PRH1: variants seen among roughly 807,000 people sequenced by gnomAD.
PRH1 encodes the protein proline rich protein HaeIII subfamily 1.
Under a neutral mutation model 7.9 loss-of-function variants are expected in PRH1, and 7 were observed. The ratio of observed to expected loss-of-function variants is 0.89; its 90% CI spans 0.50 to 1.67. PRH1 has a LOEUF of 1.67. Among genes scored for constraint, PRH1 ranks in the 40% most tolerant of loss-of-function variants. PRH1 has a pLI of 0.00. For synonymous variants in PRH1, 45 were observed against 80.8 expected (o/e 0.56, Z 2.38); for missense variants, 109 against 223.6 (o/e 0.49, Z 3.27).
chr12:11,023,785 T>C lies in PRH1; in HGVS notation c.-126+23235A>G, dbSNP rs147579631. ...CAGCCAAACTAGCGGCAAGATGCAG[T>C]ACGTGGCCCATCTCCAATCACCAGA... is the stretch of plus-strand genomic sequence containing the variant. On this transcript the variant is annotated intron_variant, in intron 1 of 3. Coordinates refer to the PRH1 transcript ENST00000539853. Among the ~76,000 whole-genome samples the C allele has an allele frequency of 4.0e-3, 616 of 152,370 alleles. 6 individuals carry two copies. The highest frequency in any genetic ancestry group is 0.013 in the African/African-American group (556 of 41,596).
intron 2 of PRH1, among the ~76,000 whole-genome samples, chr12:10,903,954 A>AAAAAC (rs754090166): frequency 6.9e-6 from 1 of 145,736 alleles, no homozygotes; most frequent in South Asian, 2.1e-4. Context: ...AAAAAAAAAA[A>AAAAAC]CAACTAGGAC....
In PRH1 at chr12:10,906,406, A is replaced by G. The variant is rs180721327; in HGVS notation, c.-58-22131T>C. ...GTTTTTAATGTCCTCTCTTTGAAAG[A>G]CACTGTAAAGAAAATGAAATGACAA... is the stretch of plus-strand genomic sequence containing the variant. On this transcript the variant is annotated intron_variant, in intron 2 of 3. Transcript: ENST00000539853. 4.0e-3 allele frequency among the ~76,000 whole-genome samples: 609 copies of G among 152,356 alleles called. 2 individuals are homozygous for G. The highest frequency in any genetic ancestry group is 0.014 in the African/African-American group (580 of 41,580).
chr12:10,900,327 T>C (rs746379488), intron 2 of PRH1, among the ~76,000 whole-genome samples: 5 of 152,182 alleles, frequency 3.3e-5, no homozygotes, highest in Non-Finnish European at 5.9e-5. Flanking sequence ...GGAAAGACAC[T>C]GGGAAAAGGT....
intron 1 of PRH1, among the ~76,000 whole-genome samples, chr12:11,087,517 T>A (rs1291953477): frequency 8.6e-6 from 1 of 116,758 alleles, no homozygotes; most frequent in Non-Finnish European, 2.0e-5. Flanking sequence ...TGGATATGCA[T>A]GGCAGCTGGC....
intron 1 of PRH1, among the ~76,000 whole-genome samples, chr12:11,099,731 T>C (rs1232939339): frequency 6.6e-6 from 1 of 152,000 alleles, no homozygotes; most frequent in African/African-American, 2.4e-5. Flanking sequence ...ACAAATGAAA[T>C]CCAAAGACAT....
At chr12:11,062,904 GT>G (rs1306148485) in intron 1 of PRH1, among the ~76,000 whole-genome samples, 9 of 152,000 alleles carry the variant, frequency 5.9e-5, no homozygotes, top group Admixed American at 5.9e-4. Flanking sequence ...TAATACGTTT[GT>G]ATAACTTCAT....
chr12:11,006,070 T>G (rs1414810501), intron 1 of PRH1: 1 of 152,074 alleles, frequency 6.6e-6, no homozygotes, highest in Admixed American at 6.6e-5. Context: ...TATAATTGTT[T>G]CTAAGAGATC....
At chr12:11,043,723 T>G (rs1451908999) in intron 1 of PRH1, among the ~76,000 whole-genome samples, 2 of 151,986 alleles carry the variant, frequency 1.3e-5, no homozygotes, top group African/African-American at 4.8e-5. Flanking sequence ...AGCTGAAGAT[T>G]AACTCAACCA....
chr12:10,999,789 C>A (rs574195291), intron 1 of PRH1, among the ~76,000 whole-genome samples: 1 of 152,116 alleles, frequency 6.6e-6, no homozygotes, highest in African/African-American at 2.4e-5. Context: ...CTTGGTCTGT[C>A]CTGCTTTGAA....
intron 1 of PRH1, chr12:10,986,135 A>G: frequency 6.2e-7 from 1 of 1,614,110 alleles, no homozygotes; most frequent in Middle Eastern, 1.6e-4. Context: ...TTAGGAATAG[A>G]AAGAAAATGG....
chr12:10,886,745 C>T (rs142770515), upstream of PRH1, among the ~76,000 whole-genome samples: 6 of 152,314 alleles, frequency 3.9e-5, no homozygotes, highest in Admixed American at 2.6e-4. Flanking sequence ...AACATTTTCT[C>T]GGTCACTGAC....
At chr12:10,949,101 C>A (rs532143756) in intron 2 of PRH1, among the ~76,000 whole-genome samples, 14 of 152,242 alleles carry the variant, frequency 9.2e-5, no homozygotes, top group African/African-American at 3.1e-4. Context: ...CAACTGCAGC[C>A]CTGGTGGAAT....
chr12:10,910,004 TTC>T (rs1358176503), intron 2 of PRH1, among the ~76,000 whole-genome samples: 2 of 152,200 alleles, frequency 1.3e-5, no homozygotes, highest in African/African-American at 4.8e-5. Flanking sequence ...CCCCTCATAT[TTC>T]TTTTTTAAAC....
At chr12:11,083,815 T>C (rs1189046061) in intron 1 of PRH1, among the ~76,000 whole-genome samples, 2 of 151,930 alleles carry the variant, frequency 1.3e-5, no homozygotes, top group African/African-American at 4.8e-5. Flanking sequence ...TTTATATAAG[T>C]GGAATTATAC....
intron 1 of PRH1, chr12:11,061,587 C>G: frequency 6.2e-7 from 1 of 1,614,058 alleles, no homozygotes; most frequent in Non-Finnish European, 8.5e-7. Flanking sequence ...TGGCACATAA[C>G]AAGAGGAAGG....
intron 1 of PRH1, among the ~76,000 whole-genome samples, chr12:10,996,037 T>A (rs1940210281): frequency 6.6e-6 from 1 of 151,812 alleles, no homozygotes; most frequent in African/African-American, 2.4e-5. Context: ...AAACATAAAA[T>A]AAGAATTCAT....
Position 10,943,601 on chromosome 12 carries a change from T to C in PRH1, c.-59+30054A>G, listed in dbSNP as rs552101487. On this transcript the variant is annotated intron_variant, in intron 2 of 3. Transcript: ENST00000539853. ...TAGGATCCCATTTGTCAATTTTTGT[T>C]TTTGTTTGATTGCTTTTGATGTCTT... Among the ~76,000 whole-genome samples the C allele has an allele frequency of 5.4e-4, 83 of 152,326 alleles. No individual in the cohort carries two copies. In the South Asian group the frequency reaches 0.013, roughly 24 times the overall value.
At position 11,093,752 on chromosome 12, in the gene PRH1, A is replaced by G. The variant is rs1260062042; in HGVS notation, n.124-46564T>C. ...TTTCACTTATTTTGATAAACAAAAA[A>G]TTACTACAGTTTGCATAGAGATTTG... On this transcript the variant is annotated intron_variant and non_coding_transcript_variant, in intron 1 of 4. Coordinates refer to the PRH1 transcript ENST00000541977. 1.7e-5 allele frequency among the ~76,000 whole-genome samples: 2 copies of G among 115,144 alleles called. 1 individual carries two copies. The highest frequency in any genetic ancestry group is 4.1e-5 in the Non-Finnish European group (2 of 48,878). The allele number at this position is 115,144 out of a possible 152,430, so 75.5% of individuals were successfully genotyped here. A position where few individuals can be genotyped will look rare whatever the true frequency, so the allele number is the denominator to read the frequency against.
chr12:10,883,098 TA>T lies in PRH1; in HGVS notation c.65-3del, dbSNP rs766580119. The T allele has an allele frequency of 1.8e-5, 29 of 1,612,892 alleles. No homozygotes were observed. In the Admixed American group the frequency reaches 3.5e-4, roughly 19 times the overall value. On this transcript the variant is annotated splice_region_variant and splice_polypyrimidine_tract_variant and intron_variant, in intron 1 of 3. Coordinates refer to ENST00000543626, the MANE Select transcript of PRH1 (RefSeq NM_001393989.1). ...GGGGAACATCTTCCTGGCTGACATC[TA>T]GAAAAGAAGTACAGGATGATGGGAA...
Sources: gnomAD v4.1 joint callset for allele counts (sites outside exome capture counted in the v4.1 genomes callset) on GRCh38, gnomAD v4.1.1 for gene constraint, MANE v1.5 for transcripts, NCBI Gene and HGNC (gene_info 2026-07-23, HGNC 2026-07-21) for gene names.